CPQ: variants seen among roughly 807,000 people sequenced by gnomAD.
CPQ encodes Ser-Met dipeptidase.
In CPQ, 37 loss-of-function variants were observed where a neutral mutation model predicts 45.7. The observed-to-expected ratio is 0.81, with a 90% CI of 0.62 to 1.07. The LOEUF is 1.07. CPQ is among the 50% of genes least tolerant of loss of function. The pLI is 0.00. For synonymous variants in CPQ, 186 were observed against 205.8 expected, an observed-to-expected ratio of 0.90 and a Z score of 0.82; for missense variants, 537 against 572.9, an observed-to-expected ratio of 0.94 and a Z score of 0.64.
chr8:97,100,920 G>A (rs1811293529), intron 7 of CPQ, among the ~76,000 whole-genome samples: 1 of 152,092 alleles, frequency 6.6e-6, no homozygotes, highest in Admixed American at 6.6e-5. Context: ...CTAAGTATTA[G>A]AAATAATTTT....
chr8:96,838,056 C>T (rs1337339168), intron 3 of CPQ, among the ~76,000 whole-genome samples: 4 of 152,158 alleles, frequency 2.6e-5, no homozygotes, highest in South Asian at 2.1e-4. Context: ...CTTCTCACTG[C>T]CACACACTTA....
Position 96,881,006 on chromosome 8 carries a change from C to T in CPQ, c.849+1001C>T, listed in dbSNP as rs143108880. Among the ~76,000 whole-genome samples the T allele has an allele frequency of 3.1e-3, 468 of 152,234 alleles. 4 individuals carry two copies. Among genetic ancestry groups the T allele is most frequent in the African/African-American group, 0.011 (449 of 41,534 alleles). ...TGGTATTCGTGATGTGGAAATTCAA[C>T]CTCGGAACAATTGAGAGTGGTATTT... On this transcript the variant is annotated intron_variant, in intron 4 of 7. Transcript: ENST00000220763.
intron 7 of CPQ, among the ~76,000 whole-genome samples, chr8:97,110,861 C>T (rs1811488426): frequency 6.6e-6 from 1 of 152,126 alleles, no homozygotes; most frequent in Non-Finnish European, 1.5e-5. Flanking sequence ...AACCAAGTGG[C>T]CCAACCAAAT....
At chr8:96,775,759 C>T (rs1453770412) in intron 1 of CPQ, among the ~76,000 whole-genome samples, 6 of 152,184 alleles carry the variant, frequency 3.9e-5, no homozygotes, top group Admixed American at 3.3e-4. Context: ...GATTGTCCCC[C>T]ACATAGCTGT....
At chr8:96,649,630 C>A in intron 1 of CPQ, among the ~76,000 whole-genome samples, 1 of 152,118 alleles carries the variant, frequency 6.6e-6, no homozygotes, top group East Asian at 1.9e-4. Context: ...GGGAGAAAGA[C>A]GGTGAGTGAG....
At chr8:96,777,691 A>G (rs1810623862) in intron 1 of CPQ, among the ~76,000 whole-genome samples, 1 of 128,558 alleles carries the variant, frequency 7.8e-6, no homozygotes, top group African/African-American at 3.0e-5. Flanking sequence ...GAATTTTCCT[A>G]TGTATGGTGA....
intron 1 of CPQ, among the ~76,000 whole-genome samples, chr8:96,698,484 C>G (rs1420134144): frequency 2.0e-5 from 3 of 151,892 alleles, no homozygotes; most frequent in Admixed American, 2.0e-4. Context: ...GCAACCACCG[C>G]AAAAATTGAC....
intron 1 of CPQ, among the ~76,000 whole-genome samples, chr8:96,740,423 C>T (rs1810070242): frequency 6.6e-6 from 1 of 152,038 alleles, no homozygotes; most frequent in South Asian, 2.1e-4. Flanking sequence ...GACAATTTGA[C>T]TTCCTCTTTT....
intron 3 of CPQ, among the ~76,000 whole-genome samples, chr8:96,849,502 C>A (rs1411901013): frequency 6.6e-6 from 1 of 152,198 alleles, no homozygotes; most frequent in African/African-American, 2.4e-5. Flanking sequence ...AACTGTGAAT[C>A]ACCTAAGCAC....
intron 2 of CPQ, among the ~76,000 whole-genome samples, chr8:96,810,490 A>G (rs1280235332): frequency 6.6e-6 from 1 of 152,198 alleles, no homozygotes; most frequent in African/African-American, 2.4e-5. Flanking sequence ...CAGATAGAAG[A>G]TGGAGATCTA....
chr8:96,798,551 A>G (rs1004608009), intron 2 of CPQ, among the ~76,000 whole-genome samples: 18 of 152,068 alleles, frequency 1.2e-4, no homozygotes, highest in African/African-American at 4.3e-4. Flanking sequence ...CTTGTGCTTC[A>G]GCCACATGGG....
chr8:96,975,339 TA>T (rs963844758), intron 5 of CPQ, among the ~76,000 whole-genome samples: 16 of 149,868 alleles, frequency 1.1e-4, no homozygotes, highest in African/African-American at 4.0e-4. Flanking sequence ...AAATGGTAAT[TA>T]AAAAAAATTC....
chr8:96,828,441 G>A (rs185665745), intron 2 of CPQ, among the ~76,000 whole-genome samples: 3 of 151,912 alleles, frequency 2.0e-5, no homozygotes, highest in African/African-American at 7.2e-5. Flanking sequence ...TCCAGCCAGT[G>A]TCTCCTAGTC....
In CPQ at chr8:96,797,384, A is replaced by C. The variant is rs547961227; in HGVS notation, c.433+12054A>C. Among the ~76,000 whole-genome samples, 10 of 152,310 alleles carry C rather than the reference A, an allele frequency of 6.6e-5. No individual in the cohort carries two copies. The East Asian group carries it at 1.9e-3, about 29-fold the overall frequency. On this transcript the variant is annotated intron_variant, in intron 2 of 7. Coordinates refer to ENST00000220763, the MANE Select transcript of CPQ (RefSeq NM_016134.4). ...CAATACTCCTTTCATTATGTCCCTT[A>C]ATCAACAATATGATATGGACTTTTT... is the stretch of plus-strand genomic sequence containing the variant.
At chr8:96,896,696 G>A (rs1423621706) in intron 4 of CPQ, among the ~76,000 whole-genome samples, 1 of 151,932 alleles carries the variant, frequency 6.6e-6, no homozygotes, top group Admixed American at 6.6e-5. Context: ...ACTTCCATAG[G>A]TCTCTTTTTT....
At chr8:97,058,289 C>T (rs1466788894) in intron 6 of CPQ, among the ~76,000 whole-genome samples, 1 of 151,964 alleles carries the variant, frequency 6.6e-6, no homozygotes, top group East Asian at 1.9e-4. Flanking sequence ...AAAAAATAAC[C>T]TGTCTACTTA....
chr8:96,704,606 G>A (rs1187818439), intron 1 of CPQ, among the ~76,000 whole-genome samples: 1 of 152,110 alleles, frequency 6.6e-6, no homozygotes, highest in Admixed American at 6.6e-5. Context: ...GATATATCTG[G>A]AGTTCAAGAG....
chr8:96,998,692 G>A (rs913847372), intron 5 of CPQ, among the ~76,000 whole-genome samples: 1 of 151,896 alleles, frequency 6.6e-6, no homozygotes, highest in African/African-American at 2.4e-5. Flanking sequence ...TGAATGGGGA[G>A]ATATGAAATA....
chr8:96,757,048 C>G (rs993357015), intron 1 of CPQ, among the ~76,000 whole-genome samples: 2 of 151,888 alleles, frequency 1.3e-5, no homozygotes, highest in Admixed American at 6.6e-5. Flanking sequence ...GTACAGAATT[C>G]TAGATTTAAA....
Sources: gnomAD v4.1 joint callset for allele counts (sites outside exome capture counted in the v4.1 genomes callset) on GRCh38, gnomAD v4.1.1 for gene constraint, MANE v1.5 for transcripts, NCBI Gene and HGNC (gene_info 2026-07-23, HGNC 2026-07-21) for gene names.